VIRMA: variants seen among roughly 807,000 people sequenced by gnomAD.
The protein encoded by VIRMA is vir like m6A methyltransferase associated.
VIRMA carries 65 observed loss-of-function variants against 182.4 expected under a neutral mutation model. The ratio of observed to expected loss-of-function variants is 0.36; its 90% CI spans 0.29 to 0.44. VIRMA has a LOEUF of 0.44. Ranked by LOEUF, VIRMA falls within the 20% of genes least tolerant of loss-of-function variation. The pLI is 1.00. For synonymous variants in VIRMA, 709 were observed against 743.1 expected (o/e 0.95, Z 0.75); for missense variants, 1,752 against 2,158.1 (o/e 0.81, Z 3.73).
At chr8:94,492,447 C>T (rs375909196) in intron 21 of VIRMA, among the ~76,000 whole-genome samples, 3,366 of 151,900 alleles carry the variant, frequency 0.022, 110 homozygotes, top group African/African-American at 0.077. Flanking sequence ...CCACGACCAG[C>T]TAATTTTTTT....
chr8:94,540,893 A>G (rs1432119339), intron 2 of VIRMA, among the ~76,000 whole-genome samples: 1 of 152,170 alleles, frequency 6.6e-6, no homozygotes, highest in East Asian at 1.9e-4. Context: ...AAAACGATTT[A>G]AAGAATCAAA....
intron 1 of VIRMA, among the ~76,000 whole-genome samples, chr8:94,545,065 TAGTTA>T (rs1469045396): frequency 1.3e-5 from 2 of 151,198 alleles, no homozygotes; most frequent in Admixed American, 6.6e-5. Context: ...TTTGAGGCTA[TAGTTA>T]AGTTATGATA....
At chr8:94,549,813 G>A (rs1339191702) in intron 1 of VIRMA, among the ~76,000 whole-genome samples, 1 of 152,080 alleles carries the variant, frequency 6.6e-6, no homozygotes. Context: ...AAAACTCAGC[G>A]TGGGCCCTGC....
At chr8:94,537,857 A>G (rs78317455) in intron 3 of VIRMA, among the ~76,000 whole-genome samples, 1,872 of 152,258 alleles carry the variant, frequency 0.012, 36 homozygotes, top group African/African-American at 0.043. Context: ...CAAAAGTTTC[A>G]TTTTACAAAA....
At chr8:94,552,529 A>C (rs1465301497) in intron 1 of VIRMA, among the ~76,000 whole-genome samples, 1 of 152,232 alleles carries the variant, frequency 6.6e-6, no homozygotes, top group Admixed American at 6.5e-5. Flanking sequence ...ACAGTTCTCT[A>C]AATTAAGCTT....
chr8:94,507,942 T>TATGTGTATATATGTATATAC (rs1814226947), intron 15 of VIRMA, among the ~76,000 whole-genome samples: 1 of 80,746 alleles, frequency 1.2e-5, no homozygotes, highest in African/African-American at 4.5e-5. Flanking sequence ...CATATGTGTA[T>TATGTGTATATATGTATATAC]ATGTGTATAT....
intron 1 of VIRMA, among the ~76,000 whole-genome samples, chr8:94,547,972 T>A (rs748415274): frequency 7.1e-6 from 1 of 140,244 alleles, no homozygotes; most frequent in Non-Finnish European, 1.6e-5. Flanking sequence ...CAGGTCAAAG[T>A]TGTAGTAAGC....
chr8:94,545,213 T>C (rs1298704731), intron 1 of VIRMA, among the ~76,000 whole-genome samples: 1 of 152,186 alleles, frequency 6.6e-6, no homozygotes, highest in Non-Finnish European at 1.5e-5. Flanking sequence ...TGACACAGGA[T>C]TAGGCAAATA....
intron 2 of VIRMA, among the ~76,000 whole-genome samples, chr8:94,540,715 G>C (rs2130382684): frequency 6.6e-6 from 1 of 152,196 alleles, no homozygotes; most frequent in East Asian, 1.9e-4. Context: ...ACCCGCCTCA[G>C]CCTCCCAAAG....
intron 16 of VIRMA, among the ~76,000 whole-genome samples, chr8:94,504,140 C>T (rs1019989325): frequency 6.6e-6 from 1 of 151,800 alleles, no homozygotes; most frequent in Non-Finnish European, 1.5e-5. Flanking sequence ...TGCCACTGCA[C>T]TCCAACCCGG....
chr8:94,507,911 G>C (rs951518082), intron 15 of VIRMA, among the ~76,000 whole-genome samples: 1 of 119,906 alleles, frequency 8.3e-6, no homozygotes, highest in Non-Finnish European at 1.9e-5. Context: ...ATGTATATAT[G>C]TATGTGTATA....
intron 15 of VIRMA, among the ~76,000 whole-genome samples, chr8:94,506,960 T>C (rs1369112965): frequency 1.3e-5 from 2 of 152,162 alleles, no homozygotes; most frequent in African/African-American, 4.8e-5. Context: ...TTACTTTTAC[T>C]TTAAAACAAC....
intron 12 of VIRMA, 126 bp downstream of exon 12, chr8:94,511,870 C>A: frequency 9.0e-6 from 6 of 666,482 alleles, no homozygotes; most frequent in Non-Finnish European, 1.3e-5. Flanking sequence ...TATTTAATTA[C>A]TTTAATTTAA....
chr8:94,527,770 T>A (rs1397383369), intron 7 of VIRMA, among the ~76,000 whole-genome samples: 1 of 152,208 alleles, frequency 6.6e-6, no homozygotes, highest in Non-Finnish European at 1.5e-5. Context: ...AAAAACTGGT[T>A]GTTTTAAGTT....
intron 8 of VIRMA, among the ~76,000 whole-genome samples, chr8:94,521,290 G>A (rs999189934): frequency 1.3e-5 from 2 of 152,098 alleles, no homozygotes; most frequent in African/African-American, 4.8e-5. Context: ...CCACTTGTAA[G>A]TGAGAACATG....
chr8:94,493,119 G>A (rs1813659436), intron 20 of VIRMA, among the ~76,000 whole-genome samples: 1 of 152,060 alleles, frequency 6.6e-6, no homozygotes, highest in South Asian at 2.1e-4. Context: ...AATTAACACT[G>A]TAATATCTCC....
Position 94,491,799 on chromosome 8 carries a change from C to T in VIRMA, c.4919G>A (p.Arg1640His). 1 of 1,613,742 alleles carries T rather than the reference C, an allele frequency of 6.2e-7. No homozygotes were observed. Among genetic ancestry groups the T allele is most frequent in the East Asian group, 2.2e-5 (1 of 44,860 alleles). ...GQGIRPHDIFRQRKQNTSRPP... is the reference protein window; with the variant it reads ...GQGIRPHDIFHQRKQNTSRPP... ...TCTACTTGTGTTCTGTTTTCTCTGA[C>T]GAAAAATATCATGAGGTCGTATACC... The change falls in exon 22 of 24, where the codon CGT becomes CAT. Residue 1640 changes from arginine to histidine, a missense_variant. Physicochemically the swap from Arg to His is conservative, Grantham distance 29. Around this residue, in one of 11 missense-constraint regions of VIRMA, gnomAD observed 27 missense variants for 60.8 expected, o/e 0.44. Transcript: ENST00000297591.
intron 1 of VIRMA, among the ~76,000 whole-genome samples, chr8:94,545,157 A>T (rs1454775358): frequency 6.6e-6 from 1 of 152,174 alleles, no homozygotes; most frequent in Non-Finnish European, 1.5e-5. Context: ...CAAACAAAAA[A>T]AGAAACAGCA....
Position 94,542,433 on chromosome 8 carries a change from A to T in VIRMA, c.179+1394T>A, listed in dbSNP as rs188488261. ...CAGTGTATATCTTGACTACAACTTC[A>T]TGAAAGAACCTGAGCCAGCTAAGCG... is the stretch of plus-strand genomic sequence containing the variant. On this transcript the variant is annotated intron_variant, in intron 2 of 23. Transcript: ENST00000297591. Among the ~76,000 whole-genome samples, 527 of 152,340 alleles carry T rather than the reference A, an allele frequency of 3.5e-3. 2 individuals are homozygous for T. Among genetic ancestry groups the T allele is most frequent in the Middle Eastern group, 0.024 (7 of 294 alleles).
Sources: gnomAD v4.1 joint callset for allele counts (sites outside exome capture counted in the v4.1 genomes callset) on GRCh38, gnomAD v4.1.1 for gene constraint, gnomAD v4.1.1 regional missense constraint, MANE v1.5 for transcripts, NCBI Gene and HGNC (gene_info 2026-07-23, HGNC 2026-07-21) for gene names.